Variants in BRD10 observed in about 807,000 individuals in gnomAD.
BRD10 encodes bromodomain containing 10.
chr9:5,928,933 C>A, the BRD10 span: 1 of 575,868 alleles, frequency 1.7e-6, no homozygotes, highest in Non-Finnish European at 3.1e-6. Flanking sequence ...TCAAAAATAT[C>A]TGCCGAATTA....
chr9:5,992,227 T>A, the BRD10 span, among the ~76,000 whole-genome samples: 1 of 152,240 alleles, frequency 6.6e-6, no homozygotes, highest in African/African-American at 2.4e-5. Flanking sequence ...GAACTTTGTT[T>A]TGTTAATGAC....
chr9:5,968,305 T>A, the BRD10 span: 1 of 1,611,352 alleles, frequency 6.2e-7, no homozygotes, highest in Non-Finnish European at 8.5e-7. Flanking sequence ...CATTTACATG[T>A]ATTTGGCAAG....
At chr9:6,008,180 G>C in the BRD10 span, 1 of 973,856 alleles carries the variant, frequency 1.0e-6, no homozygotes, top group South Asian at 4.7e-5. Flanking sequence ...GGCTGGGAGG[G>C]GGCGAGGAGG....
chr9:5,954,964 T>G, the BRD10 span, among the ~76,000 whole-genome samples: 1 of 151,974 alleles, frequency 6.6e-6, no homozygotes, highest in Non-Finnish European at 1.5e-5. Context: ...GGTGCGTGCC[T>G]GTAATCTCAG....
the BRD10 span, chr9:5,892,379 T>A: frequency 4.5e-6 from 5 of 1,103,978 alleles, no homozygotes; most frequent in East Asian, 1.3e-4. Flanking sequence ...GATGCTGTTG[T>A]GGGTCTTTAT....
chr9:5,990,820 T>C, the BRD10 span, among the ~76,000 whole-genome samples: 2 of 152,184 alleles, frequency 1.3e-5, no homozygotes, highest in African/African-American at 2.4e-5. Context: ...AGCAGTCAAT[T>C]TAGTAATAAT....
the BRD10 span, among the ~76,000 whole-genome samples, chr9:5,944,713 T>C: frequency 6.6e-6 from 1 of 152,030 alleles, no homozygotes; most frequent in African/African-American, 2.4e-5. Flanking sequence ...AAATGAAAAC[T>C]AGACCACACA....
chr9:5,956,302 T>C, the BRD10 span, among the ~76,000 whole-genome samples: 1 of 152,154 alleles, frequency 6.6e-6, no homozygotes, highest in African/African-American at 2.4e-5. Flanking sequence ...GGTTACTTGG[T>C]ATTTCAGTTC....
chr9:5,989,298 T>C, the BRD10 span, among the ~76,000 whole-genome samples: 1 of 134,524 alleles, frequency 7.4e-6, no homozygotes, highest in East Asian at 2.2e-4. Flanking sequence ...TGAGCACCTG[T>C]AGATCCAATT....
the BRD10 span, among the ~76,000 whole-genome samples, chr9:5,925,796 C>T: frequency 2.6e-4 from 40 of 152,124 alleles, no homozygotes; most frequent in Non-Finnish European, 2.2e-4. Context: ...GAGATGGAAA[C>T]ATGGTATTTT....
At chr9:5,924,387 C>T in the BRD10 span, among the ~76,000 whole-genome samples, 2 of 152,026 alleles carry the variant, frequency 1.3e-5, no homozygotes, top group Admixed American at 6.6e-5. Context: ...AAGTGATACT[C>T]CTATCTCGAC....
At chr9:5,988,258 G>C in the BRD10 span, 2 of 880,660 alleles carry the variant, frequency 2.3e-6, no homozygotes, top group Non-Finnish European at 3.7e-6. Context: ...ATGCATTTTA[G>C]AACACTACTA....
At chr9:6,002,704 T>C in the BRD10 span, among the ~76,000 whole-genome samples, 11 of 150,180 alleles carry the variant, frequency 7.3e-5, no homozygotes, top group Admixed American at 2.6e-4. Flanking sequence ...TTTTTTTTTT[T>C]CCACTCTTAT....
At chr9:6,008,107 A>G in the BRD10 span, 3 of 979,248 alleles carry the variant, frequency 3.1e-6, no homozygotes, top group Admixed American at 1.9e-4. Context: ...CCTGCTCTTC[A>G]CCGGCCAGGC....
chr9:5,921,982 T>G, the BRD10 span: 2 of 1,613,920 alleles, frequency 1.2e-6, no homozygotes, highest in South Asian at 2.2e-5. Context: ...TAGTAGTTGT[T>G]CCAGCTACAG....
chr9:5,920,405 C>G, the BRD10 span: 1 of 1,613,926 alleles, frequency 6.2e-7, no homozygotes, highest in Non-Finnish European at 8.5e-7. Flanking sequence ...GAACTGACTC[C>G]CGACTAGACT....
At chr9:5,950,994 A>C in the BRD10 span, among the ~76,000 whole-genome samples, 1 of 151,272 alleles carries the variant, frequency 6.6e-6, no homozygotes. Flanking sequence ...TCCAAGGTTG[A>C]ATGCACAGAT....
chr9:5,922,976 T>G, the BRD10 span: 6 of 1,614,024 alleles, frequency 3.7e-6, no homozygotes, highest in Middle Eastern at 1.6e-4. Flanking sequence ...AAGCAAAGCC[T>G]GAATGGGTTT....
the BRD10 span, among the ~76,000 whole-genome samples, chr9:5,941,210 A>G: frequency 4.6e-5 from 7 of 152,310 alleles, no homozygotes; most frequent in African/African-American, 1.7e-4. Flanking sequence ...TTCAAGTACA[A>G]TAAGATCAGG....
Sources: allele counts gnomAD v4.1 joint callset (sites outside exome capture counted in the v4.1 genomes callset), GRCh38; gene constraint gnomAD v4.1.1; transcripts MANE v1.5; gene names NCBI Gene and HGNC (gene_info 2026-07-23, HGNC 2026-07-21).